GRAP2: variants seen among roughly 807,000 people sequenced by gnomAD.
The protein encoded by GRAP2 is GRB2-related adapter protein 2.
A neutral mutation model predicts 43.5 loss-of-function variants in GRAP2; 31 were observed. That is an observed-to-expected ratio of 0.71 (90% CI 0.54 to 0.96). The LOEUF is 0.96. GRAP2 is among the 40% of genes least tolerant of loss of function. GRAP2 has a pLI of 0.00. For synonymous variants in GRAP2, 156 were observed against 164.8 expected (o/e 0.95, Z 0.41); for missense variants, 371 against 424.4 (o/e 0.87, Z 1.11).
chr22:39,968,469 ACACACACACACTGTCT>A, intron 6 of GRAP2, 197 bp downstream of exon 6: 2 of 589,824 alleles, frequency 3.4e-6, no homozygotes, highest in East Asian at 2.8e-5. Context: ...ACACACACAC[ACACACACACACTGTCT>A]CACACACACA....
chr22:39,903,615 C>G (rs2066506024), intron 1 of GRAP2, among the ~76,000 whole-genome samples: 2 of 151,568 alleles, frequency 1.3e-5, no homozygotes, highest in Admixed American at 6.6e-5. Context: ...GTAGCTGAGA[C>G]TACAGGTACA....
In GRAP2 at chr22:39,972,606, T is replaced by G. The variant is rs1274115955; in HGVS notation, c.*1522T>G. 6.6e-6 allele frequency: 1 copy of G among 152,134 alleles called. No homozygotes were observed. The highest frequency in any genetic ancestry group is 1.5e-5 in the Non-Finnish European group (1 of 68,024). 9.4% of individuals were successfully genotyped at this position (152,134 alleles called of 1,614,324 possible). On this transcript the variant is annotated 3_prime_UTR_variant, in exon 8 of 8. Transcript: ENST00000344138. The stretch of plus-strand genomic sequence containing the variant: ...GAGGGATGGGGTTGGGGGCAGCCGT[T>G]ATTGAAGGTGATCGGAGAAGAAAGA...
Position 39,968,149 on chromosome 22 carries a change from C to G in GRAP2, c.567C>G (p.His189Gln), listed in dbSNP as rs778028089. The G allele has an allele frequency of 1.2e-5, 19 of 1,605,984 alleles. No homozygotes were observed. Among genetic ancestry groups the G allele is most frequent in the Non-Finnish European group, 1.4e-5 (16 of 1,176,168 alleles). The change falls in exon 6 of 8, where the codon CAC (histidine) becomes CAG (glutamine). Residue 189 changes from histidine (H) to glutamine (Q), a missense_variant. Coordinates refer to ENST00000344138, the MANE Select transcript of GRAP2 (RefSeq NM_004810.4). ...CGATGAACCGGAAGCTGTCGGATCA[C>G]CCCCCGACCCTTCCCCTGCAGCAGC... ...RPSMNRKLSDHPPTLPLQQHQ... is the reference protein window; with the variant it reads ...RPSMNRKLSDQPPTLPLQQHQ...
intron 5 of GRAP2, among the ~76,000 whole-genome samples, chr22:39,966,440 A>T (rs949640440): frequency 6.6e-6 from 1 of 152,182 alleles, no homozygotes; most frequent in Non-Finnish European, 1.5e-5. Context: ...CCCACGCCTC[A>T]TGTCATTCCT....
intron 2 of GRAP2, among the ~76,000 whole-genome samples, chr22:39,952,855 C>G (rs2067001358): frequency 6.6e-6 from 1 of 152,154 alleles, no homozygotes; most frequent in Non-Finnish European, 1.5e-5. Context: ...GAAGGACTTT[C>G]AGGTACCAGG....
At chr22:39,946,974 G>A (rs898051833) in intron 1 of GRAP2, 119 bp from the exon 2 acceptor site, 32 of 698,240 alleles carry the variant, frequency 4.6e-5, no homozygotes, top group Non-Finnish European at 6.9e-5. Context: ...CTTGCTCTCC[G>A]GCCTGGAGAC....
In GRAP2 at chr22:39,971,074, T is replaced by C. The variant is rs1428734954; in HGVS notation, c.983T>C (p.Met328Thr). Reference sequence around the variant, plus strand: ...TTCCCTGCCAACTACGTGGCACCCATGACCCGATAAACTCTTCAGGGGACA... The same window carrying C: ...TTCCCTGCCAACTACGTGGCACCCACGACCCGATAAACTCTTCAGGGGACA... ...GLFPANYVAP[M>T]TR The change falls in exon 8 of 8, where the codon ATG becomes ACG. Residue 328 changes from methionine (M) to threonine (T), a missense_variant. Physicochemically the swap from Met to Thr is moderately conservative, Grantham distance 81. Transcript: ENST00000344138. The C allele has an allele frequency of 2.5e-6, 4 of 1,611,910 alleles. No homozygotes were observed. The Admixed American group carries it at 5.0e-5, about 20-fold the overall frequency.
chr22:39,893,951 G>T, the GRAP2 span: 5 of 151,242 alleles, frequency 3.3e-5, no homozygotes, highest in African/African-American at 9.7e-5. Context: ...TCCTTTCAAA[G>T]AATAAATTTT....
chr22:39,895,996 C>T, the GRAP2 span, among the ~76,000 whole-genome samples: 1 of 152,218 alleles, frequency 6.6e-6, no homozygotes, highest in Non-Finnish European at 1.5e-5. Flanking sequence ...GTGTCTAGCT[C>T]TTTCCCCTAC....
At chr22:39,905,897 G>A (rs1331955916) in intron 1 of GRAP2, among the ~76,000 whole-genome samples, 1 of 152,168 alleles carries the variant, frequency 6.6e-6, no homozygotes, top group African/African-American at 2.4e-5. Flanking sequence ...CAGACTTGAA[G>A]TTATTGAAAA....
At chr22:39,913,192 C>CAA (rs397868164) in intron 1 of GRAP2, among the ~76,000 whole-genome samples, 2,160 of 62,258 alleles carry the variant, frequency 0.035, 69 homozygotes, top group South Asian at 0.18. Context: ...GACTCCATCT[C>CAA]AAAAAAAAAA....
At chr22:39,904,516 C>T (rs756198116) in intron 1 of GRAP2, among the ~76,000 whole-genome samples, 1 of 152,206 alleles carries the variant, frequency 6.6e-6, no homozygotes, top group Non-Finnish European at 1.5e-5. Context: ...GCCGTATTTG[C>T]TCCATCTATA....
chr22:39,909,084 C>T (rs1297358391), intron 1 of GRAP2, among the ~76,000 whole-genome samples: 1 of 152,228 alleles, frequency 6.6e-6, no homozygotes, highest in African/African-American at 2.4e-5. Context: ...AACAATATCT[C>T]ATTTGTACAA....
intron 1 of GRAP2, among the ~76,000 whole-genome samples, chr22:39,937,497 T>C (rs1018655655): frequency 1.3e-5 from 2 of 152,100 alleles, no homozygotes; most frequent in Admixed American, 6.6e-5. Context: ...TGAGGAAAAA[T>C]AGGTGCTTGA....
At chr22:39,902,472 T>C (rs2066499417) in intron 1 of GRAP2, among the ~76,000 whole-genome samples, 1 of 152,218 alleles carries the variant, frequency 6.6e-6, no homozygotes, top group South Asian at 2.1e-4. Flanking sequence ...CACCTAAGTA[T>C]ATTTAATTTT....
rs137932873 is a variant in GRAP2, at chr22:39,915,770, C to A, written c.-15+14440C>A. Among the ~76,000 whole-genome samples the A allele has an allele frequency of 2.4e-4, 37 of 152,250 alleles. 1 individual carries two copies. The East Asian group carries it at 6.6e-3, about 27-fold the overall frequency. On this transcript the variant is annotated intron_variant, in intron 1 of 7. Transcript: ENST00000344138. ...CATGCTCTTCAAAAGTAAATTATTA[C>A]TGTATTATATGACTTTAGGGTTTAA...
intron 1 of GRAP2, among the ~76,000 whole-genome samples, chr22:39,943,553 G>T (rs1345322386): frequency 6.6e-6 from 1 of 152,016 alleles, no homozygotes; most frequent in Non-Finnish European, 1.5e-5. Flanking sequence ...TGGCGGGGTG[G>T]GGGTTGGGGG....
intron 1 of GRAP2, chr22:39,926,749 G>T: frequency 1.0e-6 from 1 of 984,936 alleles, no homozygotes; most frequent in Non-Finnish European, 1.2e-6. Context: ...TGCATTAGCG[G>T]CCCCTTATCG....
At chr22:39,939,585 AAT>A (rs1455823667) in intron 1 of GRAP2, among the ~76,000 whole-genome samples, 5 of 132,840 alleles carry the variant, frequency 3.8e-5, no homozygotes, top group Admixed American at 1.5e-4. Context: ...AAAAAAAAGA[AAT>A]GGTCCTGCAT....
Sources: gnomAD v4.1 joint callset for allele counts (sites outside exome capture counted in the v4.1 genomes callset) on GRCh38, gnomAD v4.1.1 for gene constraint, MANE v1.5 for transcripts, NCBI Gene and HGNC (gene_info 2026-07-23, HGNC 2026-07-21) for gene names.